CD1B: variants seen among roughly 807,000 people sequenced by gnomAD.
CD1B encodes CD1b molecule.
A neutral mutation model predicts 39.8 loss-of-function variants in CD1B; 43 were observed. That is an observed-to-expected ratio of 1.08 (90% CI 0.85 to 1.39). CD1B has a LOEUF of 1.39. CD1B is among the 40% of genes most tolerant of loss of function. The probability of loss-of-function intolerance (pLI) is 0.00; values close to 1 mark genes in which losing one functional copy is unlikely to be tolerated. For missense variants in CD1B, 495 were observed against 403.8 expected (o/e 1.23, Z -1.94); for synonymous variants, 192 against 152.5 (o/e 1.26, Z -1.91).
downstream of CD1B, among the ~76,000 whole-genome samples, chr1:158,327,125 CG>C (rs768895655): frequency 4.6e-5 from 7 of 152,114 alleles, no homozygotes; most frequent in Non-Finnish European, 1.0e-4. Context: ...AATGGACCAG[CG>C]CTGGCTGGTC....
At chr1:158,322,960 C>A (rs567759021), downstream of CD1B, among the ~76,000 whole-genome samples, 2 of 152,280 alleles carry the variant, frequency 1.3e-5, no homozygotes, top group East Asian at 3.9e-4. Flanking sequence ...AAGGGTATGT[C>A]TTGAGGTAGT....
chr1:158,288,654 A>G, the CD1B span, among the ~76,000 whole-genome samples: 2 of 152,204 alleles, frequency 1.3e-5, no homozygotes, highest in East Asian at 3.9e-4. Context: ...TGGTCTCCCA[A>G]AGTGCTGGGA....
the CD1B span, among the ~76,000 whole-genome samples, chr1:158,321,551 C>T: frequency 6.6e-6 from 1 of 152,228 alleles, no homozygotes; most frequent in African/African-American, 2.4e-5. Flanking sequence ...CATTTTGTTA[C>T]TTCTTTCCTA....
downstream of CD1B, among the ~76,000 whole-genome samples, chr1:158,323,242 A>AT (rs201495701): frequency 5.6e-4 from 83 of 149,472 alleles, no homozygotes; most frequent in South Asian, 0.011. Context: ...GATTTCACTG[A>AT]TTTTTTTTTC....
chr1:158,326,498 A>G (rs148649389), downstream of CD1B, among the ~76,000 whole-genome samples: 488 of 152,318 alleles, frequency 3.2e-3, 1 homozygote, highest in Middle Eastern at 0.01. Flanking sequence ...TTTTATTCCA[A>G]TTTAATGAAT....
the CD1B span, among the ~76,000 whole-genome samples, chr1:158,317,590 T>C: frequency 6.6e-6 from 1 of 152,192 alleles, no homozygotes; most frequent in South Asian, 2.1e-4. Flanking sequence ...GTCTATCTAT[T>C]TTGTTGATCC....
chr1:158,330,287 A>C (rs1652545563), intron 2 of CD1B, among the ~76,000 whole-genome samples, 157 bp from the exon 3 acceptor site: 1 of 152,202 alleles, frequency 6.6e-6, no homozygotes. Context: ...CATTTTCAGA[A>C]ACAAGAGCAT....
chr1:158,296,180 C>G, the CD1B span, among the ~76,000 whole-genome samples: 2 of 151,556 alleles, frequency 1.3e-5, no homozygotes, highest in Non-Finnish European at 2.9e-5. Context: ...GACCCCCCCA[C>G]CCTGCCCACC....
intron 5 of CD1B, 117 bp from the exon 6 acceptor site, chr1:158,328,374 A>G: frequency 1.4e-6 from 1 of 711,974 alleles, no homozygotes; most frequent in Non-Finnish European, 2.4e-6. Context: ...CCATAGATAG[A>G]CGAATGGATG....
At chr1:158,314,297 C>T in the CD1B span, among the ~76,000 whole-genome samples, 1 of 152,102 alleles carries the variant, frequency 6.6e-6, no homozygotes, top group Non-Finnish European at 1.5e-5. Flanking sequence ...GTTGCTCAGG[C>T]TGGTGTTGAA....
the CD1B span, among the ~76,000 whole-genome samples, chr1:158,299,629 G>A: frequency 6.6e-6 from 1 of 152,036 alleles, no homozygotes; most frequent in Non-Finnish European, 1.5e-5. Context: ...ACTTTTTTTG[G>A]TTGGCAGGCT....
chr1:158,286,780 G>T, the CD1B span, among the ~76,000 whole-genome samples: 1 of 152,172 alleles, frequency 6.6e-6, no homozygotes, highest in Non-Finnish European at 1.5e-5. Flanking sequence ...CATGATGGGG[G>T]TGAGGGTGTT....
At chr1:158,294,373 G>T in the CD1B span, among the ~76,000 whole-genome samples, 147 of 152,292 alleles carry the variant, frequency 9.7e-4, 1 homozygote, top group African/African-American at 3.4e-3. Flanking sequence ...GTTGAGACAG[G>T]CACATACAGC....
In CD1B at chr1:158,331,517, T is replaced by C. The variant is rs1385002930; in HGVS notation, c.-94A>G. The C allele has an allele frequency of 5.1e-5, 52 of 1,015,444 alleles. No homozygotes were observed. The highest frequency in any genetic ancestry group is 7.5e-5 in the Non-Finnish European group (49 of 656,912). The allele number at this position is 1,015,444 out of a possible 1,614,324, so 62.9% of individuals were successfully genotyped here. ...CTCAGTACCCTGTAGTGACTTCTTC[T>C]CTCTTCCAACTGCCAAATCTCTTCC... On this transcript the variant is annotated 5_prime_UTR_variant, in exon 1 of 6. Transcript: ENST00000368168.
chr1:158,315,531 G>T, the CD1B span, among the ~76,000 whole-genome samples: 1 of 151,546 alleles, frequency 6.6e-6, no homozygotes, highest in Non-Finnish European at 1.5e-5. Context: ...AAATTTGTTT[G>T]AGTTCATTGT....
the CD1B span, among the ~76,000 whole-genome samples, chr1:158,321,929 C>A: frequency 6.6e-6 from 1 of 152,256 alleles, no homozygotes; most frequent in African/African-American, 2.4e-5. Context: ...TCATCCACCA[C>A]ACTCAGGCCC....
At chr1:158,324,655 G>A (rs919963149), downstream of CD1B, among the ~76,000 whole-genome samples, 1 of 152,088 alleles carries the variant, frequency 6.6e-6, no homozygotes, top group Non-Finnish European at 1.5e-5. Context: ...AATTTCCACA[G>A]GCTAATTTTT....
the CD1B span, among the ~76,000 whole-genome samples, chr1:158,298,788 G>A: frequency 3.9e-5 from 6 of 152,128 alleles, no homozygotes; most frequent in African/African-American, 1.4e-4. Flanking sequence ...TTGTGAATGG[G>A]AGTTCACTCA....
the CD1B span, among the ~76,000 whole-genome samples, chr1:158,313,557 T>A: frequency 6.6e-6 from 1 of 152,214 alleles, no homozygotes; most frequent in South Asian, 2.1e-4. Context: ...TGATCCACCC[T>A]CCTTGGCTTC....
Sources: allele counts gnomAD v4.1 joint callset (sites outside exome capture counted in the v4.1 genomes callset), GRCh38; gene constraint gnomAD v4.1.1; transcripts MANE v1.5; gene names NCBI Gene and HGNC (gene_info 2026-07-23, HGNC 2026-07-21).